PTPRD: variants seen among roughly 807,000 people sequenced by gnomAD.
PTPRD encodes the protein receptor-type tyrosine-protein phosphatase delta.
In PTPRD, 34 loss-of-function variants were observed where a neutral mutation model predicts 214.5. That is an observed-to-expected ratio of 0.16 (90% CI 0.12 to 0.21). The LOEUF (loss-of-function observed/expected upper bound fraction) is 0.21, where lower values mean the gene tolerates loss of function less well. Among genes scored for constraint, PTPRD ranks in the 10% least tolerant of loss-of-function variants. The pLI is 1.00. For missense variants in PTPRD, 2,545 were observed against 2,398.7 expected, an observed-to-expected ratio of 1.06 and a Z score of -1.27; for synonymous variants, 1,128 against 845.7, an observed-to-expected ratio of 1.33 and a Z score of -5.79.
At chr9:8,525,259 T>C in intron 17 of PTPRD, 1 of 659,112 alleles carries the variant, frequency 1.5e-6, no homozygotes. Context: ...TAGAAATCAA[T>C]ATCTCTTTTC....
intron 6 of PTPRD, among the ~76,000 whole-genome samples, chr9:9,747,496 A>G (rs573080776): frequency 5.3e-5 from 8 of 151,532 alleles, no homozygotes; most frequent in Non-Finnish European, 7.4e-5. Context: ...CTATTTGGGG[A>G]AAAATGGTGC....
chr9:8,758,862 T>C (rs560641188), intron 11 of PTPRD, among the ~76,000 whole-genome samples: 25 of 152,150 alleles, frequency 1.6e-4, no homozygotes, highest in African/African-American at 5.3e-4. Context: ...ATTTTTTGTA[T>C]TTTTAATAGA....
At chr9:10,035,037 C>T (rs2097152775) in intron 3 of PTPRD, among the ~76,000 whole-genome samples, 1 of 152,164 alleles carries the variant, frequency 6.6e-6, no homozygotes, top group African/African-American at 2.4e-5. Flanking sequence ...ACACTGTCTT[C>T]CACTGTGGTT....
intron 3 of PTPRD, among the ~76,000 whole-genome samples, chr9:10,214,334 T>C (rs2099530819): frequency 6.6e-6 from 1 of 152,032 alleles, no homozygotes; most frequent in Admixed American, 6.6e-5. Flanking sequence ...TGGAGTATAA[T>C]GATGTTGTGT....
intron 2 of PTPRD, among the ~76,000 whole-genome samples, chr9:10,455,684 G>A (rs1215035297): frequency 6.6e-6 from 1 of 151,452 alleles, no homozygotes; most frequent in Non-Finnish European, 1.5e-5. Context: ...ATCCTTTGTT[G>A]AGAACCAATA....
chr9:8,997,401 C>T (rs922167098), intron 11 of PTPRD, among the ~76,000 whole-genome samples: 10 of 152,030 alleles, frequency 6.6e-5, no homozygotes, highest in African/African-American at 2.4e-4. Flanking sequence ...CAAACTCTTT[C>T]ATTATTAGCA....
chr9:9,327,910 A>T (rs2040656723), intron 9 of PTPRD, among the ~76,000 whole-genome samples: 3 of 151,836 alleles, frequency 2.0e-5, no homozygotes, highest in African/African-American at 7.3e-5. Flanking sequence ...GAGCTAAAAA[A>T]AAAAAAAAAA....
Position 9,601,106 on chromosome 9 carries a change from AAT to A in PTPRD, c.-286-26327_-286-26326del, listed in dbSNP as rs1198448527. Among the ~76,000 whole-genome samples the A allele has an allele frequency of 1.2e-3, 116 of 98,712 alleles. 1 individual carries two copies. Among genetic ancestry groups the A allele is most frequent in the South Asian group, 4.9e-3 (11 of 2,268 alleles). 64.8% of individuals were successfully genotyped at this position (98,712 alleles called of 152,430 possible). A position where few individuals can be genotyped will look rare whatever the true frequency, so the allele number is the denominator to read the frequency against. On this transcript the variant is annotated intron_variant, in intron 7 of 45. Transcript: ENST00000381196. ...GATAAATACACTGGGAAAAGAGATT[AAT>A]ATATGTGTGTGTGTGTGTGTGTGTG...
At chr9:9,106,832 T>C (rs2154446026) in intron 10 of PTPRD, among the ~76,000 whole-genome samples, 1 of 152,282 alleles carries the variant, frequency 6.6e-6, no homozygotes, top group Non-Finnish European at 1.5e-5. Flanking sequence ...GGAATTGTTT[T>C]GTTCTATCTC....
chr9:8,866,211 C>G (rs2098193227), intron 11 of PTPRD, among the ~76,000 whole-genome samples: 1 of 152,080 alleles, frequency 6.6e-6, no homozygotes, highest in South Asian at 2.1e-4. Flanking sequence ...CTATTCTTTC[C>G]CAACTGTGTG....
intron 2 of PTPRD, among the ~76,000 whole-genome samples, chr9:10,500,052 G>A (rs1019467717): frequency 1.3e-5 from 2 of 151,456 alleles, no homozygotes; most frequent in Non-Finnish European, 3.0e-5. Flanking sequence ...TTCCAATATT[G>A]GAATATTTTT....
chr9:9,782,318 G>A (rs1208548142), intron 5 of PTPRD, among the ~76,000 whole-genome samples: 3 of 152,046 alleles, frequency 2.0e-5, no homozygotes, highest in African/African-American at 7.3e-5. Context: ...TTAAAATGCC[G>A]ATGAGATTAA....
intron 10 of PTPRD, among the ~76,000 whole-genome samples, chr9:9,170,834 A>G (rs1592846244): frequency 6.6e-6 from 1 of 152,276 alleles, no homozygotes; most frequent in Non-Finnish European, 1.5e-5. Context: ...CAGTCTTAAA[A>G]CAATTGACTG....
intron 14 of PTPRD, among the ~76,000 whole-genome samples, chr9:8,599,667 A>C (rs927915934): frequency 8.6e-6 from 1 of 115,876 alleles, no homozygotes; most frequent in African/African-American, 3.4e-5. Context: ...CTTGTTGCCC[A>C]GGCTGGAGTG....
At chr9:8,842,414 G>C (rs944269990) in intron 11 of PTPRD, among the ~76,000 whole-genome samples, 1 of 152,136 alleles carries the variant, frequency 6.6e-6, no homozygotes, top group African/African-American at 2.4e-5. Context: ...ATAAAAGTTA[G>C]GGTATACAAG....
At chr9:10,070,385 A>G (rs1196680464) in intron 3 of PTPRD, among the ~76,000 whole-genome samples, 1 of 152,070 alleles carries the variant, frequency 6.6e-6, no homozygotes, top group Admixed American at 6.6e-5. Context: ...GTTCAATAAA[A>G]TTAATTACAG....
chr9:8,853,657 C>T (rs2097859330), intron 11 of PTPRD, among the ~76,000 whole-genome samples: 1 of 152,192 alleles, frequency 6.6e-6, no homozygotes, highest in African/African-American at 2.4e-5. Flanking sequence ...CAATCTTCTT[C>T]CACATTATCA....
At chr9:9,460,802 C>A (rs1280258057) in intron 8 of PTPRD, among the ~76,000 whole-genome samples, 1 of 152,126 alleles carries the variant, frequency 6.6e-6, no homozygotes, top group Non-Finnish European at 1.5e-5. Context: ...TACTATTCAT[C>A]CTAGCAACCT....
chr9:8,369,659 A>C (rs1024197622), intron 39 of PTPRD, among the ~76,000 whole-genome samples: 1 of 151,852 alleles, frequency 6.6e-6, no homozygotes, highest in Non-Finnish European at 1.5e-5. Flanking sequence ...AGGAGTTGTG[A>C]TCTATCCCCT....
Sources: allele counts gnomAD v4.1 joint callset (sites outside exome capture counted in the v4.1 genomes callset), GRCh38; gene constraint gnomAD v4.1.1; transcripts MANE v1.5; gene names NCBI Gene and HGNC (gene_info 2026-07-23, HGNC 2026-07-21).